TET3: variants seen among roughly 807,000 people sequenced by gnomAD.
The protein encoded by TET3 is tet methylcytosine dioxygenase 3.
TET3 carries 19 observed loss-of-function variants against 141.4 expected under a neutral mutation model. That is an observed-to-expected ratio of 0.13 (90% CI 0.09 to 0.20). The LOEUF is 0.20. TET3 is among the 10% of genes least tolerant of loss of function. The pLI, the probability that TET3 is intolerant of heterozygous loss-of-function variation, is 1.00. For synonymous variants in TET3, 1,043 were observed against 980.9 expected (o/e 1.06, Z -1.18); for missense variants, 1,874 against 2,356.9 (o/e 0.80, Z 4.24).
chr2:74,110,226 T>C (rs13025827), downstream of TET3, among the ~76,000 whole-genome samples: 46,484 of 151,866 alleles, frequency 0.31, 7,486 homozygotes, highest in East Asian at 0.52. Context: ...TTTTTTTTTT[T>C]AATGCTTCAC....
At chr2:74,131,052 C>A in the TET3 span, 1 of 151,508 alleles carries the variant, frequency 6.6e-6, no homozygotes, top group Admixed American at 6.6e-5. Flanking sequence ...AGAGGAGAGT[C>A]CCCCTGTACG....
intron 3 of TET3, among the ~76,000 whole-genome samples, chr2:74,039,694 A>G (rs1264303601): frequency 6.6e-6 from 1 of 152,178 alleles, no homozygotes; most frequent in Non-Finnish European, 1.5e-5. Context: ...GCTGGAGGTA[A>G]CTTAATGACT....
chr2:74,058,828 T>A (rs1268936340), intron 4 of TET3, among the ~76,000 whole-genome samples: 2 of 151,994 alleles, frequency 1.3e-5, no homozygotes, highest in African/African-American at 2.4e-5. Flanking sequence ...TGGCCCACAC[T>A]CATGTATAAA....
intron 5 of TET3, among the ~76,000 whole-genome samples, chr2:74,078,707 T>G (rs573237255): frequency 1.3e-5 from 2 of 152,256 alleles, no homozygotes; most frequent in Non-Finnish European, 2.9e-5. Context: ...ATATGTGTAT[T>G]CTGAACTGTA....
intron 3 of TET3, among the ~76,000 whole-genome samples, chr2:74,031,094 G>A (rs1283774199): frequency 6.6e-6 from 1 of 152,120 alleles, no homozygotes; most frequent in Non-Finnish European, 1.5e-5. Flanking sequence ...AGCAGTCAAG[G>A]AAAAAGGAAA....
At chr2:74,017,393 A>C (rs1049974142) in intron 3 of TET3, among the ~76,000 whole-genome samples, 2 of 151,836 alleles carry the variant, frequency 1.3e-5, no homozygotes, top group Non-Finnish European at 2.9e-5. Context: ...TTTCCCCTGC[A>C]CCCCTGCCCT....
intron 2 of TET3, among the ~76,000 whole-genome samples, chr2:73,989,603 C>T (rs943830268): frequency 6.6e-6 from 1 of 152,066 alleles, no homozygotes; most frequent in Non-Finnish European, 1.5e-5. Flanking sequence ...GGGCTAGAGA[C>T]AGGTCCCCCA....
At chr2:74,061,490 G>A (rs572918680) in intron 4 of TET3, among the ~76,000 whole-genome samples, 41 of 146,344 alleles carry the variant, frequency 2.8e-4, no homozygotes, top group African/African-American at 1.0e-3. Flanking sequence ...CCTCCTTCCC[G>A]GACGGGGCGG....
intron 3 of TET3, among the ~76,000 whole-genome samples, chr2:74,026,999 G>A (rs528908685): frequency 2.0e-5 from 3 of 152,152 alleles, no homozygotes; most frequent in Non-Finnish European, 4.4e-5. Context: ...TTTCTTTGAC[G>A]GAAAAGGGAC....
intron 3 of TET3, among the ~76,000 whole-genome samples, chr2:74,043,678 A>G (rs1395178504): frequency 6.6e-6 from 1 of 152,204 alleles, no homozygotes; most frequent in East Asian, 1.9e-4. Flanking sequence ...ATGGCCTGTT[A>G]GAAAAGCATG....
chr2:73,997,783 A>G (rs1482826003), intron 2 of TET3, among the ~76,000 whole-genome samples: 1 of 152,130 alleles, frequency 6.6e-6, no homozygotes, highest in East Asian at 1.9e-4. Context: ...CGGTGGGTAA[A>G]GGTAGGCACA....
At chr2:74,023,686 A>G (rs1686188977) in intron 3 of TET3, among the ~76,000 whole-genome samples, 1 of 152,178 alleles carries the variant, frequency 6.6e-6, no homozygotes, top group South Asian at 2.1e-4. Flanking sequence ...CTGGTGATTG[A>G]TATTATCAGT....
chr2:74,000,733 C>G (rs1345930985), intron 2 of TET3, among the ~76,000 whole-genome samples: 1 of 152,152 alleles, frequency 6.6e-6, no homozygotes, highest in Non-Finnish European at 1.5e-5. Context: ...TGAATTCTAG[C>G]CCACCACTCA....
At chr2:73,992,202 G>A (rs1684360922) in intron 2 of TET3, among the ~76,000 whole-genome samples, 2 of 152,114 alleles carry the variant, frequency 1.3e-5, no homozygotes, top group South Asian at 4.1e-4. Context: ...GATATAACCT[G>A]GGGAAAACAG....
intron 2 of TET3, among the ~76,000 whole-genome samples, chr2:73,997,378 G>C (rs578029029): frequency 1.3e-5 from 2 of 152,294 alleles, no homozygotes; most frequent in Admixed American, 1.3e-4. Flanking sequence ...GTGTGCCCCA[G>C]TTCCCTTAAT....
intron 3 of TET3, among the ~76,000 whole-genome samples, chr2:74,036,007 ACT>A (rs1424707177): frequency 6.6e-6 from 1 of 152,072 alleles, no homozygotes; most frequent in Admixed American, 6.6e-5. Flanking sequence ...ACAGAGTGAG[ACT>A]CTGTCTCAAA....
At chr2:74,039,602 T>C (rs950347831) in intron 3 of TET3, among the ~76,000 whole-genome samples, 3 of 152,192 alleles carry the variant, frequency 2.0e-5, no homozygotes, top group Non-Finnish European at 4.4e-5. Flanking sequence ...ATTCTGTGGA[T>C]TGGGAAGTCA....
intron 3 of TET3, among the ~76,000 whole-genome samples, chr2:74,033,403 C>T (rs943049563): frequency 2.6e-5 from 4 of 152,210 alleles, no homozygotes; most frequent in African/African-American, 4.8e-5. Context: ...TTATGTACTT[C>T]CCCCATCATA....
At chr2:74,061,332 C>T (rs1445171101) in intron 4 of TET3, among the ~76,000 whole-genome samples, 1 of 135,612 alleles carries the variant, frequency 7.4e-6, no homozygotes, top group African/African-American at 2.8e-5. Context: ...CAGAGGCGCC[C>T]CTCACCTCCC....
Sources: gnomAD v4.1 joint callset for allele counts (sites outside exome capture counted in the v4.1 genomes callset) on GRCh38, gnomAD v4.1.1 for gene constraint, MANE v1.5 for transcripts, NCBI Gene and HGNC (gene_info 2026-07-23, HGNC 2026-07-21) for gene names.